Variants in PLA2G12A observed in about 807,000 individuals in gnomAD.
The protein encoded by PLA2G12A is group XIIA secretory phospholipase A2.
A neutral mutation model predicts 16.0 loss-of-function variants in PLA2G12A; 11 were observed. The ratio of observed to expected loss-of-function variants is 0.69; its 90% CI spans 0.43 to 1.13. PLA2G12A has a LOEUF of 1.13. PLA2G12A is among the 50% of genes most tolerant of loss of function. PLA2G12A has a pLI of 0.00. For synonymous variants in PLA2G12A, 77 were observed against 93.8 expected, an observed-to-expected ratio of 0.82 and a Z score of 1.03; for missense variants, 214 against 237.3, an observed-to-expected ratio of 0.90 and a Z score of 0.65.
intron 1 of PLA2G12A, among the ~76,000 whole-genome samples, chr4:109,719,744 A>G (rs1730889336): frequency 6.6e-6 from 1 of 152,204 alleles, no homozygotes; most frequent in African/African-American, 2.4e-5. Flanking sequence ...GCTCAATAAC[A>G]CTGTCTAAAA....
intron 1 of PLA2G12A, among the ~76,000 whole-genome samples, chr4:109,726,805 G>T (rs1221441342): frequency 6.6e-6 from 1 of 151,982 alleles, no homozygotes; most frequent in Non-Finnish European, 1.5e-5. Flanking sequence ...TCTCAATAAG[G>T]CCTTTTTCCT....
intron 1 of PLA2G12A, among the ~76,000 whole-genome samples, chr4:109,725,737 A>G (rs911714709): frequency 2.6e-5 from 4 of 152,190 alleles, no homozygotes; most frequent in Non-Finnish European, 5.9e-5. Context: ...TATTTTTTCT[A>G]AATTTGATGC....
chr4:109,726,750 G>T (rs1009135834), intron 1 of PLA2G12A, among the ~76,000 whole-genome samples: 1 of 152,244 alleles, frequency 6.6e-6, no homozygotes, highest in South Asian at 2.1e-4. Context: ...GAAAAAAGTT[G>T]AAGAAAATAA....
rs781267331 is a variant in PLA2G12A at position 109,714,363 on chromosome 4, T to A, written c.*14A>T. ...TCTTCCATCTTCATCTGTCACTAGC[T>A]GTCGGCATCTCCTTTAAAGATCAGT... On this transcript the variant is annotated 3_prime_UTR_variant, in exon 4 of 4. Coordinates refer to ENST00000243501, the MANE Select transcript of PLA2G12A (RefSeq NM_030821.5). 5 of 1,503,566 alleles carry A rather than the reference T, an allele frequency of 3.3e-6. No homozygotes were observed. In the South Asian group the frequency reaches 5.6e-5, roughly 17 times the overall value. 93.1% of individuals were successfully genotyped at this position (1,503,566 alleles called of 1,614,324 possible). A position where few individuals can be genotyped will look rare whatever the true frequency, so the allele number is the denominator to read the frequency against.
chr4:109,712,237 C>CA lies in PLA2G12A; in HGVS notation c.*2139dup, dbSNP rs1730746174. 1 of 152,184 alleles carries CA rather than the reference C, an allele frequency of 6.6e-6. No homozygotes were observed. The highest frequency in any genetic ancestry group is 2.4e-5 in the African/African-American group (1 of 41,454). 9.4% of individuals were successfully genotyped at this position (152,184 alleles called of 1,614,324 possible). ...GCTTCATGGTTAAATAAAAGGTTAA[C>CA]ACTGGGGGAACTGGGTGAGTGGTCA... On this transcript the variant is annotated 3_prime_UTR_variant, in exon 4 of 4. Coordinates refer to ENST00000243501, the MANE Select transcript of PLA2G12A (RefSeq NM_030821.5).
intron 3 of PLA2G12A, 80 bp downstream of exon 3, chr4:109,717,468 T>C (rs1730847857): frequency 7.1e-6 from 10 of 1,400,766 alleles, no homozygotes; most frequent in East Asian, 2.3e-5. Flanking sequence ...TTTCTATTGG[T>C]AAATCCTATA....
chr4:109,715,170 T>C (rs1730805771), intron 3 of PLA2G12A, among the ~76,000 whole-genome samples: 1 of 152,226 alleles, frequency 6.6e-6, no homozygotes, highest in Admixed American at 6.5e-5. Flanking sequence ...ATCAGTGTTT[T>C]AACTTTCTTT....
intron 1 of PLA2G12A, among the ~76,000 whole-genome samples, chr4:109,729,389 A>AT (rs983983885): frequency 1.3e-4 from 20 of 152,198 alleles, no homozygotes; most frequent in Non-Finnish European, 2.5e-4. Flanking sequence ...CTCCGTTAGA[A>AT]TGTGACCTCT....
In PLA2G12A at chr4:109,727,625, G is replaced by A. The variant is rs1722968162; in HGVS notation, c.208+1977C>T. ...AGTAAATTTTGAGAAGCCTGTAGAA[G>A]ATGAAAAAGATTAAAAAGAAAGATT... On this transcript the variant is annotated intron_variant, in intron 1 of 3. Transcript: ENST00000243501. Among the ~76,000 whole-genome samples, 4 of 152,142 alleles carry A rather than the reference G, an allele frequency of 2.6e-5. No individual in the cohort carries two copies. The South Asian group carries it at 8.3e-4, about 32-fold the overall frequency.
intron 1 of PLA2G12A, among the ~76,000 whole-genome samples, chr4:109,720,587 AAAAAAAAAAAAAAAAAAATATATATATAT>A (rs1333019200): frequency 5.9e-5 from 3 of 50,634 alleles, no homozygotes; most frequent in East Asian, 4.6e-4. Context: ...AAAAAAAAAA[AAAAAAAAAAAAAAAAAAATATATATATAT>A]ATATATATAT....
intron 1 of PLA2G12A, among the ~76,000 whole-genome samples, chr4:109,727,722 G>T (rs1466875315): frequency 6.6e-6 from 1 of 152,040 alleles, no homozygotes; most frequent in African/African-American, 2.4e-5. Context: ...AATTGCTTGA[G>T]CCCAGGAGTT....
At chr4:109,719,948 G>A (rs928486809) in intron 1 of PLA2G12A, among the ~76,000 whole-genome samples, 2 of 151,982 alleles carry the variant, frequency 1.3e-5, no homozygotes, top group Admixed American at 1.3e-4. Flanking sequence ...GTGCATTAAA[G>A]CAAAACACAT....
intron 1 of PLA2G12A, among the ~76,000 whole-genome samples, chr4:109,728,817 C>T (rs1048387425): frequency 3.9e-5 from 6 of 152,178 alleles, no homozygotes; most frequent in African/African-American, 7.2e-5. Flanking sequence ...GCTCTCTTAA[C>T]ATTTTCAATT....
intron 1 of PLA2G12A, among the ~76,000 whole-genome samples, chr4:109,726,484 C>G (rs1722939732): frequency 6.6e-6 from 1 of 152,130 alleles, no homozygotes; most frequent in Non-Finnish European, 1.5e-5. Context: ...ACCTCTGTTG[C>G]TACCAACCTG....
At chr4:109,718,340 C>T (rs2126166913) in intron 2 of PLA2G12A, among the ~76,000 whole-genome samples, 1 of 152,274 alleles carries the variant, frequency 6.6e-6, no homozygotes, top group East Asian at 1.9e-4. Context: ...CTACAACAAC[C>T]ACACAGCTAT....
chr4:109,717,516 C>A, intron 3 of PLA2G12A, 32 bp downstream of exon 3: 2 of 1,592,278 alleles, frequency 1.3e-6, no homozygotes, highest in South Asian at 2.2e-5. Context: ...TTAAAAAGTA[C>A]ACTCATCCCC....
chr4:109,713,493 C>A lies in PLA2G12A; in HGVS notation c.*884G>T, dbSNP rs1434015490. The A allele has an allele frequency of 1.3e-5, 2 of 152,150 alleles. No individual in the cohort carries two copies. Among genetic ancestry groups the A allele is most frequent in the African/African-American group, 4.8e-5 (2 of 41,434 alleles). 9.4% of individuals were successfully genotyped at this position (152,150 alleles called of 1,614,324 possible). A position where few individuals can be genotyped will look rare whatever the true frequency, so the allele number is the denominator to read the frequency against. Reference sequence around the variant, plus strand: ...TCTTTAAAAAATCTACAATAAGGAACAAGTGCTGGGAAATAAATAACAAAG... The same window carrying A: ...TCTTTAAAAAATCTACAATAAGGAAAAAGTGCTGGGAAATAAATAACAAAG... On this transcript the variant is annotated 3_prime_UTR_variant, in exon 4 of 4. Transcript: ENST00000243501.
chr4:109,727,721 AG>A (rs1722969549), intron 1 of PLA2G12A, among the ~76,000 whole-genome samples: 1 of 152,140 alleles, frequency 6.6e-6, no homozygotes, highest in South Asian at 2.1e-4. Flanking sequence ...GAATTGCTTG[AG>A]CCCAGGAGTT....
intron 3 of PLA2G12A, among the ~76,000 whole-genome samples, chr4:109,716,853 T>C (rs190820674): frequency 2.1e-3 from 323 of 152,342 alleles, no homozygotes; most frequent in African/African-American, 7.5e-3. Context: ...TCCAGTGTGC[T>C]ATACTCTTAA....
Sources: allele counts gnomAD v4.1 joint callset (sites outside exome capture counted in the v4.1 genomes callset), GRCh38; gene constraint gnomAD v4.1.1; transcripts MANE v1.5; gene names NCBI Gene and HGNC (gene_info 2026-07-23, HGNC 2026-07-21).